The following NHSL2 variants were observed in gnomAD, a reference collection of about 807,000 sequenced individuals.
NHSL2 encodes NHS like 2, also known as NHS-like protein 2.
Under a neutral mutation model 53.4 loss-of-function variants are expected in NHSL2, and 27 were observed. That is an observed-to-expected ratio of 0.51 (90% CI 0.37 to 0.70). The LOEUF (loss-of-function observed/expected upper bound fraction) is 0.70. Among genes scored for constraint, NHSL2 ranks in the 30% least tolerant of loss-of-function variants. The pLI, the probability that NHSL2 is intolerant of heterozygous loss-of-function variation, is 0.00. For synonymous variants in NHSL2, 408 were observed against 404.1 expected, an observed-to-expected ratio of 1.01 and a Z score of -0.12; for missense variants, 892 against 980.1, an observed-to-expected ratio of 0.91 and a Z score of 1.20.
chrX:72,027,501 T>C (rs1309396899), intron 1 of NHSL2: 1 of 110,855 alleles, frequency 9.0e-6, no homozygotes, highest in Non-Finnish European at 1.9e-5. Flanking sequence ...AAGAAGGGGT[T>C]AGCTTTGGTC....
intron 1 of NHSL2, among the ~76,000 whole-genome samples, chrX:72,082,081 C>T (rs943300150): frequency 8.9e-6 from 1 of 111,993 alleles, no homozygotes; most frequent in Non-Finnish European, 1.9e-5. Flanking sequence ...TGAAGTGTGA[C>T]CCTTCAACTT....
chrX:71,912,675 C>G (rs1290102080), intron 1 of NHSL2, among the ~76,000 whole-genome samples: 1 of 112,162 alleles, frequency 8.9e-6, no homozygotes, highest in Non-Finnish European at 1.9e-5. Context: ...CCACAGATGA[C>G]TGCCAGATGG....
At chrX:72,063,621 C>G (rs1241697200) in intron 1 of NHSL2, among the ~76,000 whole-genome samples, 2 of 111,700 alleles carry the variant, frequency 1.8e-5, no homozygotes, top group Admixed American at 9.6e-5. Context: ...TTTAAACCAA[C>G]TCATTCCATT....
intron 1 of NHSL2, among the ~76,000 whole-genome samples, chrX:71,958,950 A>G (rs1446843132): frequency 8.9e-6 from 1 of 112,275 alleles, no homozygotes; most frequent in African/African-American, 3.2e-5. Flanking sequence ...CCTAACTGCA[A>G]GTGACCTCAG....
At chrX:71,955,883 G>A (rs1419633723) in intron 1 of NHSL2, among the ~76,000 whole-genome samples, 2 of 109,565 alleles carry the variant, frequency 1.8e-5, no homozygotes, top group Admixed American at 9.7e-5. Context: ...TTAGTCCTTC[G>A]CCTCTCCCTG....
chrX:71,927,264 G>A (rs2041690478), intron 1 of NHSL2, among the ~76,000 whole-genome samples: 1 of 112,249 alleles, frequency 8.9e-6, no homozygotes, highest in African/African-American at 3.2e-5. Flanking sequence ...ATCAGAGGGA[G>A]GGACTCAATG....
At chrX:72,126,579 A>C (rs1043525243) in intron 1 of NHSL2, among the ~76,000 whole-genome samples, 2 of 110,579 alleles carry the variant, frequency 1.8e-5, no homozygotes, top group East Asian at 5.6e-4. Flanking sequence ...CCTGGAAAAA[A>C]AAAAAAGTCC....
chrX:72,074,586 T>C (rs2041726010), intron 1 of NHSL2, among the ~76,000 whole-genome samples: 2 of 111,775 alleles, frequency 1.8e-5, no homozygotes, highest in African/African-American at 3.3e-5. Flanking sequence ...GGCCAGAACA[T>C]AGAAGGAAAC....
Position 72,132,328 on chromosome X carries a change from A to G in NHSL2, c.436+94A>G. The stretch of plus-strand genomic sequence containing the variant: ...AGAAGAAAGAGGACAGGGACCAGCA[A>G]GATAAAGACAGAGAGTTTAAAAACA... On this transcript the variant is annotated intron_variant, in intron 2 of 7. Transcript: ENST00000633930. 3.8e-6 allele frequency: 3 copies of G among 784,239 alleles called. No homozygotes were observed. In the South Asian group the frequency reaches 8.5e-5, roughly 22 times the overall value. 64.6% of individuals were successfully genotyped at this position (784,239 alleles called of 1,213,427 possible).
chrX:71,945,497 C>A (rs1225261025), intron 1 of NHSL2, among the ~76,000 whole-genome samples: 1 of 111,815 alleles, frequency 8.9e-6, no homozygotes, highest in Non-Finnish European at 1.9e-5. Context: ...ACCCCGCAAC[C>A]CCTGCCGTTC....
chrX:72,083,682 ATTTG>A (rs1387655945), intron 1 of NHSL2, among the ~76,000 whole-genome samples: 2 of 111,960 alleles, frequency 1.8e-5, no homozygotes, highest in Admixed American at 1.9e-4. Flanking sequence ...ATATAGATTT[ATTTG>A]TTTAAGAAAA....
intron 1 of NHSL2, among the ~76,000 whole-genome samples, chrX:72,109,983 C>T (rs1349712585): frequency 8.9e-6 from 1 of 111,954 alleles, no homozygotes; most frequent in Non-Finnish European, 1.9e-5. Flanking sequence ...GAGTTCTCTG[C>T]TCAATGAGAA....
chrX:71,966,942 TTATTA>T (rs942629377), intron 1 of NHSL2, among the ~76,000 whole-genome samples: 3 of 112,276 alleles, frequency 2.7e-5, no homozygotes, highest in Non-Finnish European at 5.6e-5. Context: ...TTTTGAAAGG[TTATTA>T]ATTACTGATT....
chrX:72,096,744 C>A (rs1453703295), intron 1 of NHSL2, among the ~76,000 whole-genome samples: 2 of 110,618 alleles, frequency 1.8e-5, no homozygotes, highest in African/African-American at 6.6e-5. Flanking sequence ...CATTCAGTAT[C>A]CTCCTTCTAG....
intron 1 of NHSL2, among the ~76,000 whole-genome samples, chrX:72,052,568 T>C (rs2042346985): frequency 8.9e-6 from 1 of 111,841 alleles, no homozygotes; most frequent in African/African-American, 3.3e-5. Flanking sequence ...AGGGAGGAGA[T>C]GGAGTAAGGA....
At chrX:72,117,753 T>C (rs2042150796) in intron 1 of NHSL2, among the ~76,000 whole-genome samples, 2 of 111,966 alleles carry the variant, frequency 1.8e-5, no homozygotes, top group Non-Finnish European at 1.9e-5. Flanking sequence ...ATCCATGTTA[T>C]AGCATGCGTC....
Position 71,911,185 on chromosome X carries a change from C to T in NHSL2, c.98C>T (p.Ala33Val). The T allele has an allele frequency of 8.7e-7, 1 of 1,144,075 alleles. No homozygotes were observed. The highest frequency in any genetic ancestry group is 1.2e-6 in the Non-Finnish European group (1 of 866,996). 94.3% of individuals were successfully genotyped at this position (1,144,075 alleles called of 1,213,427 possible). Reference sequence around the variant, plus strand: ...CTCCGCGACGTGAGCCACCTGGCAGCGCTCAGCCTGCTCCGGCAGCTCGCC... The same window carrying T: ...CTCCGCGACGTGAGCCACCTGGCAGTGCTCAGCCTGCTCCGGCAGCTCGCC... The part of the protein sequence containing the change: ...AELRDVSHLA[A>V]LSLLRQLADL... The change falls in exon 1 of 8, where the codon GCG becomes GTG. Residue 33 changes from alanine to valine, a missense_variant. By Grantham distance (64) the Ala-to-Val change is moderately conservative. Transcript: ENST00000633930.
At chrX:72,137,978 G>A (rs760976510) in intron 5 of NHSL2, among the ~76,000 whole-genome samples, 61 of 111,330 alleles carry the variant, frequency 5.5e-4, no homozygotes, top group Middle Eastern at 4.6e-3. Context: ...AAAGTGATGG[G>A]TGCGAACAAT....
At chrX:72,091,492 C>A in intron 1 of NHSL2, among the ~76,000 whole-genome samples, 1 of 112,278 alleles carries the variant, frequency 8.9e-6, no homozygotes, top group Non-Finnish European at 1.9e-5. Flanking sequence ...GCCAAACTGC[C>A]CACCAAAGAA....
Sources: gnomAD v4.1 joint callset for allele counts (sites outside exome capture counted in the v4.1 genomes callset) on GRCh38, gnomAD v4.1.1 for gene constraint, MANE v1.5 for transcripts, NCBI Gene and HGNC (gene_info 2026-07-23, HGNC 2026-07-21) for gene names.